C2orf15: variants seen among roughly 807,000 people sequenced by gnomAD.
C2orf15 encodes uncharacterized protein C2orf15.
C2orf15 carries 3 observed loss-of-function variants against 4.4 expected under a neutral mutation model. The observed-to-expected ratio is 0.67, with a 90% confidence interval of 0.31 to 1.74. The LOEUF (loss-of-function observed/expected upper bound fraction) is 1.74, where lower values mean the gene tolerates loss of function less well. Among genes scored for constraint, C2orf15 ranks in the 40% most tolerant of loss-of-function variants. The pLI is 0.09. For synonymous variants in C2orf15, 37 were observed against 36.8 expected (o/e 1.00, Z -0.02); for missense variants, 90 against 103.3 (o/e 0.87, Z 0.56).
intron 3 of C2orf15, 110 bp downstream of exon 3, chr2:99,147,603 A>C: frequency 2.2e-6 from 2 of 925,120 alleles, no homozygotes; most frequent in Non-Finnish European, 3.3e-6. Flanking sequence ...CCATTCTTTT[A>C]CGTTTGTTGA....
rs1055986862 is a variant in C2orf15 at position 99,150,331 on chromosome 2, C to T, written c.-76-152C>T. 6 of 500,880 alleles carry T rather than the reference C, an allele frequency of 1.2e-5. No individual in the cohort carries two copies. The Admixed American group carries it at 1.9e-4, about 16-fold the overall frequency. 31.0% of individuals were successfully genotyped at this position (500,880 alleles called of 1,614,324 possible). A position where few individuals can be genotyped will look rare whatever the true frequency, so the allele number is the denominator to read the frequency against. ...AAATAAATCTTTAGAACCTGCAAAC[C>T]CTCCCACAAAGAAAATGTAAACACT... On this transcript the variant is annotated intron_variant, in intron 3 of 3. Coordinates refer to ENST00000650052, the MANE Select transcript of C2orf15 (RefSeq NM_144706.4).
chr2:99,147,235 A>G (rs979971259), intron 2 of C2orf15, 167 bp from the exon 3 acceptor site: 5 of 465,768 alleles, frequency 1.1e-5, no homozygotes, highest in African/African-American at 7.9e-5. Flanking sequence ...TGCTGGACTC[A>G]AGAGATCTTT....
chr2:99,148,867 C>T (rs941245187), intron 3 of C2orf15, among the ~76,000 whole-genome samples: 1 of 151,712 alleles, frequency 6.6e-6, no homozygotes, highest in Non-Finnish European at 1.5e-5. Context: ...AGATGGATGA[C>T]CATGATGTTT....
chr2:99,143,071 A>G (rs1294364961), intron 2 of C2orf15, among the ~76,000 whole-genome samples: 1 of 151,892 alleles, frequency 6.6e-6, no homozygotes, highest in Non-Finnish European at 1.5e-5. Flanking sequence ...AGAAAGTAAA[A>G]ATTTCCTTCC....
At chr2:99,149,638 T>G (rs1264165149) in intron 3 of C2orf15, among the ~76,000 whole-genome samples, 1 of 151,370 alleles carries the variant, frequency 6.6e-6, no homozygotes, top group Non-Finnish European at 1.5e-5. Flanking sequence ...CAGATGGGGT[T>G]TCACCATATT....
At chr2:99,145,585 G>A (rs933719543) in intron 2 of C2orf15, among the ~76,000 whole-genome samples, 1 of 151,002 alleles carries the variant, frequency 6.6e-6, no homozygotes, top group African/African-American at 2.4e-5. Flanking sequence ...AGACCCTTGT[G>A]ATTACATTAG....
chr2:99,144,649 C>CAAAAAAGAA (rs2093613510), intron 2 of C2orf15, among the ~76,000 whole-genome samples: 1 of 52,272 alleles, frequency 1.9e-5, no homozygotes, highest in African/African-American at 7.1e-5. Context: ...AACTCTGTCT[C>CAAAAAAGAA]AAAAAAAAAA....
chr2:99,144,589 C>CGGT (rs2093612485), intron 2 of C2orf15, among the ~76,000 whole-genome samples: 1 of 135,250 alleles, frequency 7.4e-6, no homozygotes. Flanking sequence ...GCAGAGGTTG[C>CGGT]GGTAAGCCGA....
intron 2 of C2orf15, among the ~76,000 whole-genome samples, chr2:99,143,060 G>A (rs1215617676): frequency 1.3e-5 from 2 of 150,408 alleles, no homozygotes; most frequent in Non-Finnish European, 3.0e-5. Context: ...CCCCTAACCT[G>A]AGAAAGTAAA....
rs1162530300 is a variant in C2orf15, at chr2:99,151,651, T to C, written c.*817T>C. Among the ~76,000 whole-genome samples, 1 of 152,150 alleles carries C rather than the reference T, an allele frequency of 6.6e-6. No individual in the cohort carries two copies. The highest frequency in any genetic ancestry group is 2.4e-5 in the African/African-American group (1 of 41,440). ...CAATAAACTGCAAAAGACCAATAAA[T>C]TGCATATCTTCAGAAGGATTTCACA... On this transcript the variant is annotated 3_prime_UTR_variant, in exon 4 of 4. Transcript: ENST00000650052.
intron 3 of C2orf15, among the ~76,000 whole-genome samples, chr2:99,149,436 G>A: frequency 7.1e-6 from 1 of 141,056 alleles, no homozygotes; most frequent in Non-Finnish European, 1.5e-5. Flanking sequence ...CATGCTACAT[G>A]ATCATCTTTT....
At chr2:99,142,035 A>G (rs1420116983) in intron 1 of C2orf15, 98 bp downstream of exon 1, 1 of 152,292 alleles carries the variant, frequency 6.6e-6, no homozygotes, top group Non-Finnish European at 1.5e-5. Context: ...AGATCTAGCA[A>G]CAAAGTCCAG....
At chr2:99,149,833 C>A (rs2093673972) in intron 3 of C2orf15, among the ~76,000 whole-genome samples, 1 of 149,516 alleles carries the variant, frequency 6.7e-6, no homozygotes, top group Non-Finnish European at 1.5e-5. Context: ...GCTCTTGTCG[C>A]CCAGGCTGGA....
chr2:99,149,488 G>A (rs2093667479), intron 3 of C2orf15, among the ~76,000 whole-genome samples: 1 of 149,590 alleles, frequency 6.7e-6, no homozygotes, highest in Admixed American at 6.7e-5. Flanking sequence ...TGTCGCCCAG[G>A]CTGGAGTGCA....
chr2:99,143,809 C>A (rs2093602840), intron 2 of C2orf15, among the ~76,000 whole-genome samples: 1 of 152,034 alleles, frequency 6.6e-6, no homozygotes, highest in African/African-American at 2.4e-5. Context: ...CTTGCTCTCT[C>A]GTGACAGACA....
At chr2:99,143,805 C>G (rs775829652) in intron 2 of C2orf15, among the ~76,000 whole-genome samples, 5 of 152,068 alleles carry the variant, frequency 3.3e-5, no homozygotes, top group Non-Finnish European at 7.4e-5. Flanking sequence ...TGTGCTTGCT[C>G]TCTCGTGACA....
At chr2:99,145,601 C>A (rs566898156) in intron 2 of C2orf15, among the ~76,000 whole-genome samples, 38 of 151,578 alleles carry the variant, frequency 2.5e-4, no homozygotes, top group African/African-American at 9.0e-4. Flanking sequence ...ATTAGTACCA[C>A]CCAATTAATC....
At chr2:99,146,974 T>G (rs1406470201) in intron 2 of C2orf15, 1 of 152,834 alleles carries the variant, frequency 6.5e-6, no homozygotes, top group Non-Finnish European at 1.5e-5. Flanking sequence ...TTAGCCAATG[T>G]TCACGATACC....
At chr2:99,141,974 G>C (rs924125507) in intron 1 of C2orf15, 37 bp downstream of exon 1, 1 of 152,438 alleles carries the variant, frequency 6.6e-6, no homozygotes, top group Admixed American at 6.5e-5. Flanking sequence ...GGAGCCTGGG[G>C]ACCACGGCCT....
Sources: allele counts gnomAD v4.1 joint callset (sites outside exome capture counted in the v4.1 genomes callset), GRCh38; gene constraint gnomAD v4.1.1; transcripts MANE v1.5; gene names NCBI Gene and HGNC (gene_info 2026-07-23, HGNC 2026-07-21).